Variants in RBFOX1 observed in about 807,000 individuals in gnomAD.
RBFOX1 encodes RNA binding fox-1 homolog 1.
Under a neutral mutation model 57.7 loss-of-function variants are expected in RBFOX1, and 8 were observed. The ratio of observed to expected loss-of-function variants is 0.14; its 90% CI spans 0.08 to 0.25. RBFOX1 has a LOEUF of 0.25. Ranked by LOEUF, RBFOX1 falls within the 10% of genes least tolerant of loss-of-function variation. RBFOX1 has a pLI of 1.00. For synonymous variants in RBFOX1, 326 were observed against 222.4 expected, an observed-to-expected ratio of 1.47 and a Z score of -4.15; for missense variants, 611 against 548.5, an observed-to-expected ratio of 1.11 and a Z score of -1.14.
intron 9 of RBFOX1, among the ~76,000 whole-genome samples, chr16:7,600,548 T>A (rs572205748): frequency 6.6e-6 from 1 of 152,150 alleles, no homozygotes; most frequent in Non-Finnish European, 1.5e-5. Context: ...ATGAGAAAAT[T>A]AAGCCATCGG....
chr16:6,397,602 A>T (rs1311443333), intron 2 of RBFOX1, among the ~76,000 whole-genome samples: 5 of 152,234 alleles, frequency 3.3e-5, no homozygotes, highest in African/African-American at 9.6e-5. Flanking sequence ...GAGATGAATG[A>T]AGAGCAGGGA....
rs1224729281 is a variant in RBFOX1, at chr16:6,035,762, T to C, written c.-127+15770T>C. ...GACTGTCAACCAATTGGAATTACTA[T>C]GTGAAATGAAATGTATTTGCCACCC... On this transcript the variant is annotated intron_variant, in intron 1 of 15. Coordinates refer to ENST00000550418, the MANE Select transcript of RBFOX1 (RefSeq NM_018723.4). Among the ~76,000 whole-genome samples, 4 of 152,198 alleles carry C rather than the reference T, an allele frequency of 2.6e-5. No individual in the cohort carries two copies. The East Asian group carries it at 5.8e-4, about 22-fold the overall frequency.
At chr16:6,804,880 G>A (rs542449790) in intron 3 of RBFOX1, among the ~76,000 whole-genome samples, 20 of 152,276 alleles carry the variant, frequency 1.3e-4, no homozygotes, top group African/African-American at 4.1e-4. Context: ...AAAAGGCCAT[G>A]TGTCCCAAAC....
At chr16:7,048,949 C>A (rs1049532586) in intron 3 of RBFOX1, among the ~76,000 whole-genome samples, 16 of 152,164 alleles carry the variant, frequency 1.1e-4, no homozygotes, top group South Asian at 2.1e-4. Flanking sequence ...AATATCAGTT[C>A]TGTTGGGTGT....
At chr16:5,964,045 C>A (rs1487525873) in intron 4 of RBFOX1, among the ~76,000 whole-genome samples, 2 of 152,078 alleles carry the variant, frequency 1.3e-5, no homozygotes, top group Non-Finnish European at 2.9e-5. Context: ...AAAAGTAGTA[C>A]AACTCAGTAG....
intron 4 of RBFOX1, among the ~76,000 whole-genome samples, chr16:7,456,699 T>C (rs2150377090): frequency 6.6e-6 from 1 of 152,250 alleles, no homozygotes; most frequent in Middle Eastern, 3.4e-3. Context: ...ATGTTCACCT[T>C]CCTGAGCTTG....
chr16:7,006,700 G>A (rs2093322350), intron 3 of RBFOX1, among the ~76,000 whole-genome samples: 1 of 152,072 alleles, frequency 6.6e-6, no homozygotes, highest in African/African-American at 2.4e-5. Flanking sequence ...GTCCTTCCTT[G>A]GTCTCCCAAT....
chr16:6,662,284 T>G (rs1330270766), intron 3 of RBFOX1, among the ~76,000 whole-genome samples: 1 of 151,724 alleles, frequency 6.6e-6, no homozygotes, highest in Non-Finnish European at 1.5e-5. Flanking sequence ...TCAACTGTTC[T>G]CACACACACA....
chr16:5,849,783 C>T (rs556157014), intron 3 of RBFOX1, among the ~76,000 whole-genome samples: 1 of 152,296 alleles, frequency 6.6e-6, no homozygotes, highest in South Asian at 2.1e-4. Flanking sequence ...CAGCGTCTCT[C>T]TTCCCACGTC....
Position 5,535,718 on chromosome 16 carries a change from G to T in RBFOX1, c.259-63184G>T, listed in dbSNP as rs2044667355. Among the ~76,000 whole-genome samples the T allele has an allele frequency of 2.0e-5, 3 of 152,130 alleles. No individual in the cohort carries two copies. The South Asian group carries it at 6.2e-4, about 31-fold the overall frequency. On this transcript the variant is annotated intron_variant, in intron 2 of 2. Transcript: ENST00000585867. ...AGCCTCCTTTCATTTTGTATTTTCT[G>T]TTTCCCTATCAAGCCAAGTGACAGT...
intron 3 of RBFOX1, among the ~76,000 whole-genome samples, chr16:5,855,475 A>G (rs1392792849): frequency 4.6e-5 from 7 of 152,148 alleles, no homozygotes; most frequent in African/African-American, 1.7e-4. Flanking sequence ...TTTATTGAAG[A>G]GACTGTTCTT....
chr16:5,671,551 G>C (rs1325647245), intron 3 of RBFOX1, among the ~76,000 whole-genome samples: 1 of 152,228 alleles, frequency 6.6e-6, no homozygotes, highest in Non-Finnish European at 1.5e-5. Context: ...AGTCATGGGT[G>C]TTATGAAATT....
At chr16:7,619,558 A>T (rs1434939322) in intron 10 of RBFOX1, among the ~76,000 whole-genome samples, 3 of 152,204 alleles carry the variant, frequency 2.0e-5, no homozygotes. Flanking sequence ...TCATTCCACA[A>T]ATAGAGTCCC....
At chr16:6,000,605 A>G (rs889113802) in intron 4 of RBFOX1, among the ~76,000 whole-genome samples, 1 of 152,112 alleles carries the variant, frequency 6.6e-6, no homozygotes, top group Non-Finnish European at 1.5e-5. Flanking sequence ...AGGAAATAGA[A>G]TTACTTAAAT....
At chr16:6,771,473 G>C (rs191582981) in intron 3 of RBFOX1, among the ~76,000 whole-genome samples, 2 of 152,128 alleles carry the variant, frequency 1.3e-5, no homozygotes, top group African/African-American at 4.8e-5. Flanking sequence ...AGATAGCAGA[G>C]AGACTTTCTG....
chr16:5,662,757 G>A (rs1273441747), intron 3 of RBFOX1, among the ~76,000 whole-genome samples: 4 of 152,230 alleles, frequency 2.6e-5, no homozygotes, highest in Admixed American at 6.5e-5. Context: ...TCCAGTGCTA[G>A]TTGAAACTGA....
chr16:5,607,279 G>C (rs2047618006), intron 3 of RBFOX1, among the ~76,000 whole-genome samples: 1 of 152,210 alleles, frequency 6.6e-6, no homozygotes, highest in East Asian at 1.9e-4. Context: ...GTGAGACATG[G>C]AGGCTTAAAT....
At chr16:5,646,201 A>G (rs374494626) in intron 3 of RBFOX1, among the ~76,000 whole-genome samples, 1,430 of 75,010 alleles carry the variant, frequency 0.019, 25 homozygotes, top group African/African-American at 0.058. Context: ...TTTTTTTTGT[A>G]TTTTTAGTGG....
chr16:7,282,912 C>A (rs188543532), intron 4 of RBFOX1, among the ~76,000 whole-genome samples: 2 of 152,102 alleles, frequency 1.3e-5, no homozygotes, highest in Non-Finnish European at 2.9e-5. Context: ...GCGATTAATT[C>A]ATTACTTTTT....
Sources: gnomAD v4.1 joint callset for allele counts (sites outside exome capture counted in the v4.1 genomes callset) on GRCh38, gnomAD v4.1.1 for gene constraint, MANE v1.5 for transcripts, NCBI Gene and HGNC (gene_info 2026-07-23, HGNC 2026-07-21) for gene names.